NOL10: variants seen among roughly 807,000 people sequenced by gnomAD.
NOL10 encodes the protein H_NH0074G24.1.
Under a neutral mutation model 103.5 loss-of-function variants are expected in NOL10, and 58 were observed. The observed-to-expected ratio is 0.56, with a 90% CI of 0.45 to 0.70. The LOEUF (loss-of-function observed/expected upper bound fraction) is 0.70, where lower values mean the gene tolerates loss of function less well. Ranked by LOEUF, NOL10 falls within the 30% of genes least tolerant of loss-of-function variation. The pLI, the probability that NOL10 is intolerant of heterozygous loss-of-function variation, is 0.00. For missense variants in NOL10, 763 were observed against 807.3 expected, an observed-to-expected ratio of 0.95 and a Z score of 0.67; for synonymous variants, 287 against 282.5, an observed-to-expected ratio of 1.02 and a Z score of -0.16.
intron 6 of NOL10, among the ~76,000 whole-genome samples, chr2:10,669,696 A>G (rs1572415479): frequency 6.6e-6 from 1 of 151,110 alleles, no homozygotes; most frequent in African/African-American, 2.4e-5. Context: ...GACCGAGACC[A>G]TCCTTGCCAA....
In NOL10 at chr2:10,667,394, A is replaced by G. The variant is rs796917642; in HGVS notation, c.531-116T>C. 20 of 752,802 alleles carry G rather than the reference A, an allele frequency of 2.7e-5. No homozygotes were observed. The African/African-American group carries it at 3.3e-4, about 12-fold the overall frequency. 46.6% of individuals were successfully genotyped at this position (752,802 alleles called of 1,614,324 possible). A position where few individuals can be genotyped will look rare whatever the true frequency, so the allele number is the denominator to read the frequency against. ...TTCTGAGTAGAAAGAAGACACACAG[A>G]TTCTCTCTTACTAATCTGCAAATGG... On this transcript the variant is annotated intron_variant, in intron 7 of 20. Transcript: ENST00000381685.
intron 4 of NOL10, among the ~76,000 whole-genome samples, chr2:10,675,233 A>G (rs890730162): frequency 1.3e-5 from 2 of 152,076 alleles, no homozygotes; most frequent in Non-Finnish European, 2.9e-5. Flanking sequence ...TAAAAGAAAG[A>G]AAAGAAATAC....
chr2:10,605,198 A>G (rs1272004445), intron 14 of NOL10, among the ~76,000 whole-genome samples: 1 of 152,226 alleles, frequency 6.6e-6, no homozygotes, highest in Non-Finnish European at 1.5e-5. Context: ...TGTAGTGCCC[A>G]CAATATCAGC....
At chr2:10,649,589 G>A (rs142232726) in intron 12 of NOL10, among the ~76,000 whole-genome samples, 188 of 152,158 alleles carry the variant, frequency 1.2e-3, no homozygotes, top group African/African-American at 4.3e-3. Flanking sequence ...CAAAGTACTA[G>A]GACTACAGGC....
chr2:10,679,805 G>A (rs746357853), intron 3 of NOL10, among the ~76,000 whole-genome samples: 5 of 152,030 alleles, frequency 3.3e-5, no homozygotes, highest in Non-Finnish European at 7.4e-5. Flanking sequence ...ATTTTTTATA[G>A]GGACAGGATT....
At position 10,636,487 on chromosome 2, in the gene NOL10, A is replaced by C. The variant is rs547547949; in HGVS notation, c.1026+7833T>G. On this transcript the variant is annotated intron_variant, in intron 13 of 20. Coordinates refer to ENST00000381685, the MANE Select transcript of NOL10 (RefSeq NM_024894.4). ...GCTGGGTGTGGCGGCATATACCTGT[A>C]GTCCCAGATACTCGAGAGGCTGAGG... Among the ~76,000 whole-genome samples, 7 of 150,094 alleles carry C rather than the reference A, an allele frequency of 4.7e-5. No individual in the cohort carries two copies. The South Asian group carries it at 1.3e-3, about 27-fold the overall frequency.
At chr2:10,664,985 G>T (rs961171223) in intron 8 of NOL10, among the ~76,000 whole-genome samples, 1 of 152,160 alleles carries the variant, frequency 6.6e-6, no homozygotes. Context: ...TCTATCATTT[G>T]ATTTTGTAAT....
At position 10,689,796 on chromosome 2, in the gene NOL10, C is replaced by T. The variant is rs773537979; in HGVS notation, c.66G>A (p.Glu22=). 6.2e-7 allele frequency: 1 copy of T among 1,602,940 alleles called. No individual in the cohort carries two copies. Among genetic ancestry groups the T allele is most frequent in the South Asian group, 1.1e-5 (1 of 88,756 alleles). Residue 22 remains glutamate (E), a splice_region_variant and synonymous_variant, in exon 1 of 21, where the codon GAG becomes GAA. Transcript: ENST00000381685. ...GTGAGGGGGCCGGGAAGTGACTCAC[C>T]TCAGGAAGGGACTTGCCGCAGCTGA... ...YSLSCGKSLP[E]WLSDRKKRAL... is the part of the protein sequence containing the mutation.
At chr2:10,617,905 G>A (rs879369901) in intron 13 of NOL10, among the ~76,000 whole-genome samples, 1 of 152,190 alleles carries the variant, frequency 6.6e-6, no homozygotes, top group Non-Finnish European at 1.5e-5. Flanking sequence ...ACAGAAAGTA[G>A]GTGAGTGGTT....
At chr2:10,671,975 CAT>C (rs1471514164) in intron 5 of NOL10, among the ~76,000 whole-genome samples, 2 of 152,196 alleles carry the variant, frequency 1.3e-5, no homozygotes, top group Admixed American at 6.5e-5. Context: ...CATGTCATAA[CAT>C]AGAGCACTCT....
chr2:10,658,026 T>G (rs1679959786), intron 10 of NOL10, 135 bp from the exon 11 acceptor site: 1 of 533,376 alleles, frequency 1.9e-6, no homozygotes. Context: ...CTCAAGGTGC[T>G]GAGATTTGAG....
chr2:10,580,496 T>C (rs1674690906), intron 19 of NOL10, among the ~76,000 whole-genome samples: 1 of 152,082 alleles, frequency 6.6e-6, no homozygotes, highest in Non-Finnish European at 1.5e-5. Context: ...AACAAGCAGA[T>C]AAAAACAATC....
chr2:10,602,954 G>T, intron 15 of NOL10, 80 bp from the exon 16 acceptor site: 1 of 1,247,238 alleles, frequency 8.0e-7, no homozygotes, highest in Non-Finnish European at 1.2e-6. Context: ...CGACAGTTAT[G>T]CCAAAGAACA....
chr2:10,591,589 C>T (rs868390356), intron 17 of NOL10, among the ~76,000 whole-genome samples: 3 of 150,302 alleles, frequency 2.0e-5, no homozygotes, highest in Non-Finnish European at 4.4e-5. Flanking sequence ...AAACCACTAG[C>T]GAAGAGGAGG....
At chr2:10,623,244 C>T (rs1426299621) in intron 13 of NOL10, among the ~76,000 whole-genome samples, 1 of 152,058 alleles carries the variant, frequency 6.6e-6, no homozygotes, top group Non-Finnish European at 1.5e-5. Flanking sequence ...AAAGGTTTGG[C>T]TTTAAGTCCT....
In NOL10 at chr2:10,638,483, C is replaced by CTTTTTTTTTTT. The variant is rs869294782; in HGVS notation, c.1026+5826_1026+5836dup. 1.7e-4 allele frequency among the ~76,000 whole-genome samples: 13 copies of CTTTTTTTTTTT among 77,778 alleles called. 2 individuals carry two copies. The highest frequency in any genetic ancestry group is 3.7e-4 in the African/African-American group (7 of 18,674). The allele number at this position is 77,778 out of a possible 152,430, so 51.0% of individuals were successfully genotyped here. ...GCACATACCCTTATAGCTGAATTCC[C>CTTTTTTTTTTT]TTTTTTTTTTTTTTTTTTTTTTTTT... On this transcript the variant is annotated intron_variant, in intron 13 of 20. Transcript: ENST00000381685.
At chr2:10,580,228 G>A (rs1674674197) in intron 19 of NOL10, among the ~76,000 whole-genome samples, 1 of 152,224 alleles carries the variant, frequency 6.6e-6, no homozygotes, top group Non-Finnish European at 1.5e-5. Context: ...AGGAACACCT[G>A]AAAATTCCTT....
intron 10 of NOL10, among the ~76,000 whole-genome samples, chr2:10,658,776 A>C (rs1305207854): frequency 6.6e-6 from 1 of 152,160 alleles, no homozygotes; most frequent in African/African-American, 2.4e-5. Context: ...GTTCCAAACC[A>C]CTAACAAGAG....
At chr2:10,612,315 T>C (rs182714206) in intron 13 of NOL10, among the ~76,000 whole-genome samples, 1 of 152,240 alleles carries the variant, frequency 6.6e-6, no homozygotes, top group East Asian at 1.9e-4. Context: ...CAAAGTACTA[T>C]TAATATTATA....
Sources: gnomAD v4.1 joint callset for allele counts (sites outside exome capture counted in the v4.1 genomes callset) on GRCh38, gnomAD v4.1.1 for gene constraint, MANE v1.5 for transcripts, NCBI Gene and HGNC (gene_info 2026-07-23, HGNC 2026-07-21) for gene names.